Variants in CTTNBP2 observed in about 807,000 individuals in gnomAD.
CTTNBP2 encodes cortactin-binding protein 2.
Under a neutral mutation model 156.9 loss-of-function variants are expected in CTTNBP2, and 108 were observed. The observed-to-expected ratio is 0.69, with a 90% CI of 0.59 to 0.81. The LOEUF is 0.81. Among genes scored for constraint, CTTNBP2 ranks in the 30% least tolerant of loss-of-function variants. The pLI is 0.00. For missense variants in CTTNBP2, 1,924 were observed against 2,035.4 expected, an observed-to-expected ratio of 0.95 and a Z score of 1.05; for synonymous variants, 767 against 751.8, an observed-to-expected ratio of 1.02 and a Z score of -0.33.
In CTTNBP2 at chr7:117,830,328, A is replaced by C. The variant is rs565747640; in HGVS notation, c.190-19339T>G. On this transcript the variant is annotated intron_variant, in intron 2 of 22. Transcript: ENST00000160373. The stretch of plus-strand genomic sequence containing the variant: ...ACAATGTTTCACTATAATTCTGTTG[A>C]GCTACAAAGTCATACTACACGGCCG... Among the ~76,000 whole-genome samples the C allele has an allele frequency of 4.6e-5, 7 of 152,300 alleles. No individual in the cohort carries two copies. In the South Asian group the frequency reaches 1.5e-3, roughly 32 times the overall value.
At chr7:117,860,951 G>A (rs74435989) in intron 2 of CTTNBP2, among the ~76,000 whole-genome samples, 2 of 152,082 alleles carry the variant, frequency 1.3e-5, no homozygotes, top group African/African-American at 2.4e-5. Context: ...ATTTCTGAAC[G>A]AGTACAGCTG....
chr7:117,716,581 C>G (rs80320595), intron 22 of CTTNBP2, among the ~76,000 whole-genome samples: 291 of 152,246 alleles, frequency 1.9e-3, no homozygotes, highest in African/African-American at 6.6e-3. Context: ...GTTTTCCAAC[C>G]AGAAGGCTCA....
intron 12 of CTTNBP2, among the ~76,000 whole-genome samples, chr7:117,755,860 G>A (rs1375050553): frequency 1.3e-5 from 2 of 152,232 alleles, no homozygotes; most frequent in African/African-American, 4.8e-5. Flanking sequence ...TGTTGAATGG[G>A]ATGTGGGCAG....
chr7:117,760,143 T>A (rs898683582), intron 10 of CTTNBP2: 81 of 417,644 alleles, frequency 1.9e-4, no homozygotes, highest in African/African-American at 1.4e-3. Context: ...AGCTGTGGGG[T>A]GTTTAGTTTC....
rs199868800 is a variant in CTTNBP2 at position 117,767,145 on chromosome 7, C to G, written c.2810G>C (p.Gly937Ala). The change falls in exon 9 of 23, where the codon GGG (glycine) becomes GCG (alanine). Residue 937 changes from glycine to alanine, a missense_variant. Coordinates refer to ENST00000160373, the MANE Select transcript of CTTNBP2 (RefSeq NM_033427.3). ...CTTGTCTCTCCTTTCTGGCTCAAGC[C>G]CTCCGTGCCTACACAAGATTTCTAG... ...NCLEILCRHG[G>A]LEPERRDKCN... The G allele has an allele frequency of 1.2e-5, 19 of 1,611,470 alleles. No homozygotes were observed. The highest frequency in any genetic ancestry group is 1.5e-5 in the Non-Finnish European group (18 of 1,177,604).
intron 2 of CTTNBP2, among the ~76,000 whole-genome samples, chr7:117,812,816 T>G (rs1290448123): frequency 1.3e-5 from 2 of 152,210 alleles, no homozygotes; most frequent in Admixed American, 6.5e-5. Context: ...ATTCTATGTT[T>G]TTTCCTAATC....
chr7:117,711,911 A>G (rs990823817), intron 22 of CTTNBP2, 129 bp from the exon 23 acceptor site: 1 of 870,496 alleles, frequency 1.1e-6, no homozygotes. Context: ...GAAAAATCAA[A>G]AGAAAATGGA....
chr7:117,775,698 C>A (rs1341436728), intron 8 of CTTNBP2, among the ~76,000 whole-genome samples: 1 of 151,820 alleles, frequency 6.6e-6, no homozygotes, highest in Non-Finnish European at 1.5e-5. Context: ...TGCAAACTAC[C>A]CTTTCCATGC....
chr7:117,857,211 T>C (rs1016226105), intron 2 of CTTNBP2, among the ~76,000 whole-genome samples: 6 of 152,342 alleles, frequency 3.9e-5, no homozygotes, highest in Middle Eastern at 3.4e-3. Flanking sequence ...ATAATTCCCA[T>C]GAGAATCAAT....
chr7:117,791,013 T>TG, intron 4 of CTTNBP2, 115 bp downstream of exon 4: 2 of 744,048 alleles, frequency 2.7e-6, no homozygotes, highest in Non-Finnish European at 4.2e-6. Context: ...GAAATGGGGG[T>TG]GGGGGGAAGC....
At chr7:117,831,823 AG>A (rs1046876585) in intron 2 of CTTNBP2, among the ~76,000 whole-genome samples, 1 of 151,990 alleles carries the variant, frequency 6.6e-6, no homozygotes, top group African/African-American at 2.4e-5. Flanking sequence ...TTCTTTTTCA[AG>A]TATGTTCAAC....
chr7:117,818,489 C>T (rs899495270), intron 2 of CTTNBP2, among the ~76,000 whole-genome samples: 2 of 152,134 alleles, frequency 1.3e-5, no homozygotes, highest in African/African-American at 4.8e-5. Context: ...TTCTTGAGTA[C>T]AAACACAGAA....
intron 9 of CTTNBP2, among the ~76,000 whole-genome samples, chr7:117,764,773 A>G (rs1005721149): frequency 8.5e-5 from 13 of 152,206 alleles, no homozygotes; most frequent in Non-Finnish European, 1.5e-4. Flanking sequence ...GTTTTCTAGT[A>G]TTACACACAA....
At chr7:117,725,979 G>A (rs576664589) in intron 17 of CTTNBP2, among the ~76,000 whole-genome samples, 4 of 152,236 alleles carry the variant, frequency 2.6e-5, no homozygotes, top group African/African-American at 9.6e-5. Context: ...ATGAGCCACC[G>A]CACCCAGCCT....
chr7:117,720,980 A>ATAAT (rs60017290), intron 20 of CTTNBP2, 87 bp downstream of exon 20: 191,676 of 891,568 alleles, frequency 0.21, 22,701 homozygotes, highest in African/African-American at 0.35. Flanking sequence ...AGTCATTCAA[A>ATAAT]TGAGAACATG....
chr7:117,805,761 T>TTGTGC, intron 3 of CTTNBP2, among the ~76,000 whole-genome samples: 1 of 152,330 alleles, frequency 6.6e-6, no homozygotes, highest in South Asian at 2.1e-4. Context: ...CAGGTCAGTA[T>TTGTGC]AACAGCAGTG....
chr7:117,847,586 A>G (rs141535108), intron 2 of CTTNBP2, among the ~76,000 whole-genome samples: 1 of 152,326 alleles, frequency 6.6e-6, no homozygotes, highest in African/African-American at 2.4e-5. Flanking sequence ...AACTAGCCAA[A>G]TTATTTCAGG....
rs759802859 is a variant in CTTNBP2, at chr7:117,718,096, T to TAAATCATCCCTGGAATCAG, written c.4649_4667dup (p.Leu1556PhefsTer2). ...TGTTTCCAGAACTATCAAACATCCT[T>TAAATCATCCCTGGAATCAG]AAATCATCCCTGGAATCAGCAATCT... On this transcript the variant is annotated stop_gained and frameshift_variant, in exon 22 of 23. Coordinates refer to ENST00000160373, the MANE Select transcript of CTTNBP2 (RefSeq NM_033427.3). LOFTEE classifies it high-confidence loss of function. 3 of 1,612,056 alleles carry TAAATCATCCCTGGAATCAG rather than the reference T, an allele frequency of 1.9e-6. No homozygotes were observed. Among genetic ancestry groups the TAAATCATCCCTGGAATCAG allele is most frequent in the Middle Eastern group, 1.6e-4 (1 of 6,080 alleles).
rs1298639361 is a variant in CTTNBP2, at chr7:117,817,361, A to ATATATATATATATATATATATATATATAT, written c.190-6373_190-6372insATATATATATATATATATATATATATATA. 2.0e-3 allele frequency among the ~76,000 whole-genome samples: 104 copies of ATATATATATATATATATATATATATATAT among 53,286 alleles called. 17 individuals carry two copies. Among genetic ancestry groups the ATATATATATATATATATATATATATATAT allele is most frequent in the East Asian group, 4.3e-3 (7 of 1,640 alleles). 35.0% of individuals were successfully genotyped at this position (53,286 alleles called of 152,430 possible). On this transcript the variant is annotated intron_variant, in intron 2 of 22. Transcript: ENST00000160373. ...AAAAAAAAAAAAAAAAAAAAAAAAA[A>ATATATATATATATATATATATATATATAT]ATATATATATATATATATATATATA...
Sources: allele counts gnomAD v4.1 joint callset (sites outside exome capture counted in the v4.1 genomes callset), GRCh38; gene constraint gnomAD v4.1.1; transcripts MANE v1.5; gene names NCBI Gene and HGNC (gene_info 2026-07-23, HGNC 2026-07-21).